MYO6: variants seen among roughly 807,000 people sequenced by gnomAD.
MYO6 encodes myosin VI, also known as unconventional myosin-VI.
Under a neutral mutation model 178.7 loss-of-function variants are expected in MYO6, and 74 were observed. The ratio of observed to expected loss-of-function variants is 0.41; its 90% CI spans 0.34 to 0.50. MYO6 has a LOEUF of 0.50. Ranked by LOEUF, MYO6 falls within the 20% of genes least tolerant of loss-of-function variation. The pLI is 0.09. For synonymous variants in MYO6, 477 were observed against 504.6 expected (o/e 0.95, Z 0.73); for missense variants, 1,330 against 1,547.4 (o/e 0.86, Z 2.36).
At chr6:75,863,431 A>C (rs181360424) in intron 16 of MYO6, among the ~76,000 whole-genome samples, 29 of 152,300 alleles carry the variant, frequency 1.9e-4, no homozygotes, top group African/African-American at 6.5e-4. Context: ...GACAGACAGC[A>C]GTAGAAACAA....
At chr6:75,871,208 A>G (rs973516098) in intron 19 of MYO6, among the ~76,000 whole-genome samples, 2 of 152,218 alleles carry the variant, frequency 1.3e-5, no homozygotes, top group African/African-American at 2.4e-5. Context: ...GCATGATTCC[A>G]AAGTAAGACT....
intron 19 of MYO6, among the ~76,000 whole-genome samples, chr6:75,872,628 A>G (rs1041530908): frequency 2.0e-5 from 3 of 152,230 alleles, no homozygotes; most frequent in Non-Finnish European, 4.4e-5. Context: ...AATATGTTAA[A>G]CAATTAAATG....
chr6:75,856,529 A>G (rs1027340940), intron 12 of MYO6, among the ~76,000 whole-genome samples: 1 of 114,938 alleles, frequency 8.7e-6, no homozygotes, highest in Non-Finnish European at 1.9e-5. Flanking sequence ...GCTTATCTTT[A>G]TGATAGTATT....
At chr6:75,871,227 AC>A (rs1278728745) in intron 19 of MYO6, among the ~76,000 whole-genome samples, 2 of 152,166 alleles carry the variant, frequency 1.3e-5, no homozygotes, top group East Asian at 3.9e-4. Context: ...CTTATTTTTT[AC>A]ACAAATCCAC....
chr6:75,749,337 C>G lies in MYO6; in HGVS notation c.-134C>G, dbSNP rs1425309899. The G allele has an allele frequency of 1.3e-5, 2 of 153,924 alleles. No individual in the cohort carries two copies. The highest frequency in any genetic ancestry group is 4.8e-5 in the African/African-American group (2 of 41,490). 9.5% of individuals were successfully genotyped at this position (153,924 alleles called of 1,614,324 possible). A position where few individuals can be genotyped will look rare whatever the true frequency, so the allele number is the denominator to read the frequency against. On this transcript the variant is annotated 5_prime_UTR_variant, in exon 1 of 35. Coordinates refer to ENST00000369977, the MANE Select transcript of MYO6 (RefSeq NM_004999.4). ...CCCGTCCGCGTCGTCGCCCTCTTCA[C>G]TGGCCCTCATCACTTCTCACCGCGC...
chr6:75,901,901 C>G (rs57707931), intron 30 of MYO6, among the ~76,000 whole-genome samples: 34,733 of 152,114 alleles, frequency 0.23, 5,174 homozygotes, highest in Middle Eastern at 0.39. Flanking sequence ...TACGTCCCAT[C>G]AATACCTAAT....
At chr6:75,808,847 G>A (rs567258527) in intron 1 of MYO6, among the ~76,000 whole-genome samples, 24 of 152,154 alleles carry the variant, frequency 1.6e-4, no homozygotes, top group Non-Finnish European at 2.8e-4. Context: ...AGTTTCATCT[G>A]GAAAGGTGGG....
chr6:75,851,367 A>G (rs1400252532), intron 11 of MYO6, among the ~76,000 whole-genome samples: 1 of 152,224 alleles, frequency 6.6e-6, no homozygotes, highest in Non-Finnish European at 1.5e-5. Flanking sequence ...TCAATTAATT[A>G]TTTTAAAAGC....
At chr6:75,788,593 A>C (rs1411936671) in intron 1 of MYO6, among the ~76,000 whole-genome samples, 3 of 152,226 alleles carry the variant, frequency 2.0e-5, no homozygotes, top group African/African-American at 7.2e-5. Context: ...CATGTAATGT[A>C]ATACCAGCTA....
At chr6:75,898,278 G>A in intron 29 of MYO6, 95 bp from the exon 30 acceptor site, 1 of 808,384 alleles carries the variant, frequency 1.2e-6, no homozygotes, top group Non-Finnish European at 1.9e-6. Flanking sequence ...AAATAATATT[G>A]AAAATATATA....
intron 1 of MYO6, among the ~76,000 whole-genome samples, chr6:75,779,998 C>A (rs759605580): frequency 6.6e-6 from 1 of 152,182 alleles, no homozygotes; most frequent in Admixed American, 6.5e-5. Flanking sequence ...AACAAATTCT[C>A]TCTGTCTGGC....
chr6:75,808,162 A>G (rs954010265), intron 1 of MYO6, among the ~76,000 whole-genome samples: 2 of 152,256 alleles, frequency 1.3e-5, no homozygotes, highest in Non-Finnish European at 2.9e-5. Flanking sequence ...CTAGAAGTGT[A>G]GACTGCTCAG....
At chr6:75,866,670 C>G in intron 17 of MYO6, 49 bp downstream of exon 17, 1 of 1,433,180 alleles carries the variant, frequency 7.0e-7, no homozygotes, top group Non-Finnish European at 9.9e-7. Context: ...TGAAGCTGCA[C>G]TGTACAGTAT....
rs1386248154 is a variant in MYO6 at position 75,862,687 on chromosome 6, A to G, written c.1638A>G (p.Ala546=). Residue 546 remains alanine (A), a synonymous_variant, in exon 16 of 35, where the codon GCA becomes GCG. Transcript: ENST00000369977. Reference sequence around the variant, plus strand: ...CAAGTGATCAACACTTTACATCTGCAGTTCACCAAAAGCACAAGGATCATT... The same window carrying G: ...CAAGTGATCAACACTTTACATCTGCGGTTCACCAAAAGCACAAGGATCATT... The part of the protein sequence containing the change: ...PQPSDQHFTS[A]VHQKHKDHFR... 5.0e-6 allele frequency: 8 copies of G among 1,614,140 alleles called. No homozygotes were observed. The highest frequency in any genetic ancestry group is 2.2e-5 in the South Asian group (2 of 91,086).
At chr6:75,797,541 T>C (rs112183857) in intron 1 of MYO6, among the ~76,000 whole-genome samples, 8,536 of 152,156 alleles carry the variant, frequency 0.056, 524 homozygotes, top group African/African-American at 0.15. Context: ...TTTTAGTTTT[T>C]ATTTTTTTTT....
intron 3 of MYO6, among the ~76,000 whole-genome samples, chr6:75,824,543 T>C (rs9447564): frequency 0.023 from 3,480 of 152,174 alleles, 133 homozygotes; most frequent in African/African-American, 0.078. Context: ...CTTTGTGTTA[T>C]ACACTTGCAC....
At chr6:75,863,795 G>T (rs1036976344) in intron 16 of MYO6, among the ~76,000 whole-genome samples, 1 of 151,848 alleles carries the variant, frequency 6.6e-6, no homozygotes, top group African/African-American at 2.4e-5. Flanking sequence ...AGAAGACCTG[G>T]TTTCTGAACT....
intron 1 of MYO6, among the ~76,000 whole-genome samples, chr6:75,790,303 T>C (rs1768092845): frequency 6.6e-6 from 1 of 152,216 alleles, no homozygotes; most frequent in African/African-American, 2.4e-5. Context: ...ATGTGTAAAT[T>C]CCATCTTCAT....
chr6:75,910,601 C>T (rs1018762134), intron 32 of MYO6, among the ~76,000 whole-genome samples: 15 of 152,080 alleles, frequency 9.9e-5, no homozygotes, highest in Non-Finnish European at 1.9e-4. Context: ...GAACACAACC[C>T]CACACATACA....
Sources: allele counts gnomAD v4.1 joint callset (sites outside exome capture counted in the v4.1 genomes callset), GRCh38; gene constraint gnomAD v4.1.1; transcripts MANE v1.5; gene names NCBI Gene and HGNC (gene_info 2026-07-23, HGNC 2026-07-21).